Variants in SRFBP1 observed in about 807,000 individuals in gnomAD.
SRFBP1 encodes the protein serum response factor binding protein 1.
Under a neutral mutation model 45.5 loss-of-function variants are expected in SRFBP1, and 47 were observed. That is an observed-to-expected ratio of 1.03 (90% confidence interval 0.82 to 1.32). The LOEUF (loss-of-function observed/expected upper bound fraction) is 1.32, where lower values mean the gene tolerates loss of function less well. Among genes scored for constraint, SRFBP1 ranks in the 40% most tolerant of loss-of-function variants. The probability of loss-of-function intolerance (pLI) is 0.00; values close to 1 mark genes in which losing one functional copy is unlikely to be tolerated. For missense variants in SRFBP1, 621 were observed against 484.6 expected (o/e 1.28, Z -2.64); for synonymous variants, 203 against 166.3 (o/e 1.22, Z -1.70).
At chr5:122,005,612 T>A (rs1218700582) in intron 4 of SRFBP1, among the ~76,000 whole-genome samples, 1 of 152,158 alleles carries the variant, frequency 6.6e-6, no homozygotes, top group Non-Finnish European at 1.5e-5. Context: ...ATTCAGCCAC[T>A]ATGTGTTATG....
intron 3 of SRFBP1, among the ~76,000 whole-genome samples, chr5:121,989,765 C>G (rs1752585393): frequency 6.6e-6 from 1 of 152,126 alleles, no homozygotes; most frequent in Non-Finnish European, 1.5e-5. Flanking sequence ...TTCAGTGAGT[C>G]TTTTAAGTAG....
At chr5:122,013,580 T>C (rs1001495335) in intron 4 of SRFBP1, among the ~76,000 whole-genome samples, 1 of 152,262 alleles carries the variant, frequency 6.6e-6, no homozygotes, top group Admixed American at 6.5e-5. Context: ...TGAAGATTAC[T>C]TATGATGAAC....
intron 2 of SRFBP1, chr5:122,066,566 C>T (rs1246682875): frequency 3.9e-6 from 2 of 510,136 alleles, no homozygotes; most frequent in African/African-American, 1.9e-5. Flanking sequence ...GTAATGATGA[C>T]TTAAGCGTTC....
intron 3 of SRFBP1, among the ~76,000 whole-genome samples, chr5:121,993,218 A>C (rs1752652376): frequency 6.6e-6 from 1 of 152,146 alleles, no homozygotes; most frequent in South Asian, 2.1e-4. Context: ...AAGACCACAA[A>C]AGTTGGCAAA....
At chr5:122,073,470 C>T (rs1473050204) in intron 2 of SRFBP1, among the ~76,000 whole-genome samples, 2 of 152,092 alleles carry the variant, frequency 1.3e-5, no homozygotes, top group Admixed American at 6.5e-5. Flanking sequence ...CTTATTTTTC[C>T]TCCATTTGCT....
chr5:122,049,959 G>A (rs542153301), intron 2 of SRFBP1, among the ~76,000 whole-genome samples: 10 of 152,108 alleles, frequency 6.6e-5, no homozygotes, highest in Non-Finnish European at 1.2e-4. Context: ...ATGAAGGAGT[G>A]TTGAATTTAG....
chr5:122,023,643 T>C (rs576125334), intron 7 of SRFBP1, among the ~76,000 whole-genome samples: 2 of 152,296 alleles, frequency 1.3e-5, no homozygotes, highest in African/African-American at 4.8e-5. Flanking sequence ...AGGGTCTTTG[T>C]TTCGTGGCCA....
intron 6 of SRFBP1, among the ~76,000 whole-genome samples, chr5:122,021,838 G>A (rs1314440303): frequency 2.0e-5 from 3 of 150,732 alleles, no homozygotes; most frequent in Non-Finnish European, 4.4e-5. Context: ...CACCACGCCC[G>A]GCTAATTTTT....
At chr5:122,045,340 T>C (rs1278854504) in intron 2 of SRFBP1, among the ~76,000 whole-genome samples, 1 of 152,236 alleles carries the variant, frequency 6.6e-6, no homozygotes, top group Non-Finnish European at 1.5e-5. Context: ...CTGTTTGGGC[T>C]CTTTTTTGGT....
intron 2 of SRFBP1, 127 bp downstream of exon 2, chr5:121,974,411 T>C: frequency 1.6e-6 from 1 of 634,356 alleles, no homozygotes; most frequent in South Asian, 1.9e-5. Context: ...ATTTTTGTTT[T>C]GTATGCGGAG....
chr5:122,040,453 A>G (rs1321905234), intron 2 of SRFBP1, among the ~76,000 whole-genome samples: 1 of 152,158 alleles, frequency 6.6e-6, no homozygotes, highest in Non-Finnish European at 1.5e-5. Flanking sequence ...TGTTTTCAGG[A>G]TAAAATTAAA....
rs768819499 is a variant in SRFBP1 at position 122,070,111 on chromosome 5, G to A, written n.312-5204G>A. The A allele has an allele frequency of 9.3e-6, 15 of 1,613,272 alleles. No homozygotes were observed. Among genetic ancestry groups the A allele is most frequent in the Admixed American group, 1.7e-5 (1 of 59,946 alleles). On this transcript the variant is annotated intron_variant and non_coding_transcript_variant, in intron 2 of 2. Coordinates refer to the SRFBP1 transcript ENST00000504881. Reference sequence around the variant, plus strand: ...TGTCCTGTGTAGCGAATGTCACAGCGCACAACATTGTTGGTATAGTCAGAT... The same window carrying A: ...TGTCCTGTGTAGCGAATGTCACAGCACACAACATTGTTGGTATAGTCAGAT...
chr5:121,968,496 C>T (rs927781028), intron 1 of SRFBP1, among the ~76,000 whole-genome samples: 4 of 152,100 alleles, frequency 2.6e-5, no homozygotes, highest in Admixed American at 2.6e-4. Context: ...CCAAATGTTA[C>T]TTTTCAGGTT....
At chr5:121,975,183 T>G in intron 2 of SRFBP1, 132 bp from the exon 3 acceptor site, 1 of 916,418 alleles carries the variant, frequency 1.1e-6, no homozygotes, top group Non-Finnish European at 1.7e-6. Flanking sequence ...ATGGACAGTG[T>G]AGGATAGTGG....
intron 2 of SRFBP1, among the ~76,000 whole-genome samples, chr5:122,037,786 G>A (rs969094731): frequency 6.6e-6 from 1 of 152,110 alleles, no homozygotes; most frequent in South Asian, 2.1e-4. Flanking sequence ...CCAAGGTACT[G>A]GGATTATACC....
At position 122,008,339 on chromosome 5, in the gene SRFBP1, G is replaced by C. The variant is rs144618401; in HGVS notation, c.271-10921G>C. Among the ~76,000 whole-genome samples, 229 of 152,198 alleles carry C rather than the reference G, an allele frequency of 1.5e-3. 2 individuals carry two copies. The highest frequency in any genetic ancestry group is 2.5e-3 in the Non-Finnish European group (167 of 67,996). ...TTCAACCTAGCACTAGGGTGGGCCT[G>C]GAGTCTCAGTCCTTGGTTACCAGCC... On this transcript the variant is annotated intron_variant, in intron 4 of 7. Transcript: ENST00000339397.
rs147459960 is a variant in SRFBP1 at position 122,039,418 on chromosome 5, T to G, written n.311+17011T>G. Among the ~76,000 whole-genome samples the G allele has an allele frequency of 7.9e-5, 12 of 152,320 alleles. No homozygotes were observed. In the East Asian group the frequency reaches 2.3e-3, roughly 29 times the overall value. On this transcript the variant is annotated intron_variant and non_coding_transcript_variant, in intron 2 of 2. Transcript: ENST00000504881. ...ATTTGGTAACCAGAAGGACATAGTA[T>G]GTTAAAAACTGGCTAAGTGCTCACT...
chr5:122,036,378 T>A lies in SRFBP1; in HGVS notation n.311+13971T>A, dbSNP rs148727003. 1.7e-3 allele frequency among the ~76,000 whole-genome samples: 263 copies of A among 152,236 alleles called. 2 individuals are homozygous for A. The highest frequency in any genetic ancestry group is 6.1e-3 in the African/African-American group (252 of 41,534). On this transcript the variant is annotated intron_variant and non_coding_transcript_variant, in intron 2 of 2. Coordinates refer to the SRFBP1 transcript ENST00000504881. ...GACCCCAAGGATCAGGTGAGCATCC[T>A]AGTTGGCAACATTTTGCACAAGTTG...
At position 122,010,897 on chromosome 5, in the gene SRFBP1, A is replaced by G. The variant is rs1452917916; in HGVS notation, c.271-8363A>G. On this transcript the variant is annotated intron_variant, in intron 4 of 7. Coordinates refer to ENST00000339397, the MANE Select transcript of SRFBP1 (RefSeq NM_152546.3). ...ATTTGTCTATTTTCAGCATTTATTT[A>G]AAAAATCTTAGTTGAGTTTATATTT... Among the ~76,000 whole-genome samples the G allele has an allele frequency of 5.3e-5, 8 of 152,236 alleles. No homozygotes were observed. The East Asian group carries it at 1.5e-3, about 29-fold the overall frequency.
Sources: gnomAD v4.1 joint callset for allele counts (sites outside exome capture counted in the v4.1 genomes callset) on GRCh38, gnomAD v4.1.1 for gene constraint, MANE v1.5 for transcripts, NCBI Gene and HGNC (gene_info 2026-07-23, HGNC 2026-07-21) for gene names.